TACC3: variants seen among roughly 807,000 people sequenced by gnomAD.
TACC3 encodes the protein transforming acidic coiled-coil containing protein 3.
In TACC3, 52 loss-of-function variants were observed where a neutral mutation model predicts 86.0. The observed-to-expected ratio is 0.60, with a 90% CI of 0.48 to 0.76. The LOEUF is 0.76. Among genes scored for constraint, TACC3 ranks in the 30% least tolerant of loss-of-function variants. The pLI is 0.00. For synonymous variants in TACC3, 512 were observed against 430.0 expected (o/e 1.19, Z -2.36); for missense variants, 1,120 against 1,070.4 (o/e 1.05, Z -0.65).
At chr4:1,739,862 A>T (rs144743154) in intron 11 of TACC3, 84 bp downstream of exon 11, 1 of 1,033,464 alleles carries the variant, frequency 9.7e-7, no homozygotes, top group Non-Finnish European at 1.2e-6. Context: ...CCTTGTCCCC[A>T]TCCCCCTCGC....
chr4:1,741,236 C>T (rs10024257), intron 13 of TACC3: 10,046 of 383,776 alleles, frequency 0.026, 230 homozygotes, highest in South Asian at 0.066. Flanking sequence ...TGTTGTGTGA[C>T]AGACGACTCG....
At chr4:1,740,715 C>A in intron 12 of TACC3, 111 bp from the exon 13 acceptor site, 1 of 936,724 alleles carries the variant, frequency 1.1e-6, no homozygotes, top group Non-Finnish European at 1.6e-6. Flanking sequence ...ACACCCACTG[C>A]CCACCTCTCC....
At chr4:1,737,406 A>C (rs1365756424) in intron 9 of TACC3, 78 bp downstream of exon 9, 1 of 1,412,022 alleles carries the variant, frequency 7.1e-7, no homozygotes, top group African/African-American at 1.4e-5. Context: ...TATATTTTCT[A>C]TTCCTGGGGG....
At chr4:1,720,815 A>T (rs751135409), upstream of TACC3, 1 of 1,592,350 alleles carries the variant, frequency 6.3e-7, no homozygotes, top group African/African-American at 1.3e-5. The surrounding 1 kb of genome is among the most constrained non-coding windows in gnomAD (Gnocchi z 4.4). Flanking sequence ...GGCGAGAGTG[A>T]AGGTCACCTC....
In TACC3 at chr4:1,735,346, C is replaced by G; in HGVS notation, c.1644+21C>G. On this transcript the variant is annotated intron_variant, in intron 7 of 15. Coordinates refer to ENST00000313288, the MANE Select transcript of TACC3 (RefSeq NM_006342.3). The surrounding 1 kb of genome is among the most constrained non-coding windows in gnomAD (Gnocchi z 4.2). ...CCTCGGTAGGTACCAGGCAATTCCGCGAAGCCTCACCCACAGGGTGTCCGA... is the reference window on the plus strand; with the variant it reads ...CCTCGGTAGGTACCAGGCAATTCCGGGAAGCCTCACCCACAGGGTGTCCGA... The G allele has an allele frequency of 6.2e-7, 1 of 1,613,748 alleles. No homozygotes were observed. Among genetic ancestry groups the G allele is most frequent in the Non-Finnish European group, 8.5e-7 (1 of 1,179,946 alleles).
rs1225169526 is a variant in TACC3 at position 1,735,616 on chromosome 4, TGGGAGTGTGCGGGTGACC to T, written c.1645-111_1645-94del. 2 of 834,264 alleles carry T rather than the reference TGGGAGTGTGCGGGTGACC, an allele frequency of 2.4e-6. No individual in the cohort carries two copies. Among genetic ancestry groups the T allele is most frequent in the African/African-American group, 4.1e-5 (2 of 49,200 alleles). 51.7% of individuals were successfully genotyped at this position (834,264 alleles called of 1,614,324 possible). ...GGGCAGGGTTGTGGGTGACCGGGGG[TGGGAGTGTGCGGGTGACC>T]GGGGGTGGGAGTGTGCAGGTGACCT... is the stretch of plus-strand genomic sequence containing the variant. On this transcript the variant is annotated intron_variant, in intron 7 of 15. Transcript: ENST00000313288. This position sits in a 1 kb window ranked among gnomAD's most constrained non-coding sequence, Gnocchi z 4.2.
chr4:1,735,164 CT>C lies in TACC3; in HGVS notation c.1592-108del. 6.9e-7 allele frequency: 1 copy of C among 1,455,170 alleles called. No homozygotes were observed. The allele number at this position is 1,455,170 out of a possible 1,614,324, so 90.1% of individuals were successfully genotyped here. ...ATCCACACCTCCAAGGGAGGAAATA[CT>C]GCTGGCTGGAATGATCCTGCCTCAC... On this transcript the variant is annotated intron_variant, in intron 6 of 15. Coordinates refer to ENST00000313288, the MANE Select transcript of TACC3 (RefSeq NM_006342.3). The surrounding 1 kb of genome is among the most constrained non-coding windows in gnomAD (Gnocchi z 4.2).
At chr4:1,736,452 A>G (rs1718271471) in intron 8 of TACC3, among the ~76,000 whole-genome samples, 2 of 151,578 alleles carry the variant, frequency 1.3e-5, no homozygotes, top group Non-Finnish European at 2.9e-5. Context: ...AAAACCAAAA[A>G]ATAGAGGTCA....
In TACC3 at chr4:1,728,247, C is replaced by T. The variant is rs765435122; in HGVS notation, c.845C>T (p.Pro282Leu). ...GGCTGCCCTGCGGGTGTGGGCACCC[C>T]CGTGCCAGCAGATGGCACTCAGACC... Reference protein sequence around the residue: ...ALGCPAGVGTPVPADGTQTLT... With the variant: ...ALGCPAGVGTLVPADGTQTLT... The change falls in exon 4 of 16, where the codon CCC becomes CTC. Residue 282 changes from proline (P) to leucine (L), a missense_variant. By Grantham distance (98) the Pro-to-Leu change is moderately conservative. Transcript: ENST00000313288. 6.8e-6 allele frequency: 11 copies of T among 1,612,398 alleles called. No individual in the cohort carries two copies.
intron 10 of TACC3, 27 bp from the exon 11 acceptor site, chr4:1,739,675 C>G: frequency 6.4e-7 from 1 of 1,561,038 alleles, no homozygotes; most frequent in Non-Finnish European, 8.7e-7. Context: ...GCCCGCCTGC[C>G]TGCTGACTTG....
intron 13 of TACC3, 104 bp from the exon 14 acceptor site, chr4:1,744,414 G>C: frequency 1.9e-6 from 2 of 1,073,108 alleles, no homozygotes; most frequent in South Asian, 2.9e-5. Context: ...GCTCACGGCT[G>C]ATGCCCCAGA....
At chr4:1,725,593 C>T (rs1384591505) in intron 3 of TACC3, among the ~76,000 whole-genome samples, 2 of 152,198 alleles carry the variant, frequency 1.3e-5, no homozygotes, top group Non-Finnish European at 2.9e-5. Flanking sequence ...CCACAGATCC[C>T]CTGCCTCTCC....
At chr4:1,725,879 C>T (rs1717662945) in intron 3 of TACC3, among the ~76,000 whole-genome samples, 2 of 152,248 alleles carry the variant, frequency 1.3e-5, no homozygotes, top group South Asian at 4.1e-4. Flanking sequence ...CCTGGGAAGG[C>T]AGTGCCGCCC....
intron 13 of TACC3, chr4:1,741,381 G>A (rs903804277): frequency 2.5e-5 from 4 of 157,068 alleles, no homozygotes; most frequent in South Asian, 2.0e-4. Context: ...TATCCAAGGC[G>A]GGAGGCCCAC....
chr4:1,735,344 C>T lies in TACC3; in HGVS notation c.1644+19C>T, dbSNP rs17681032. 15 of 1,613,640 alleles carry T rather than the reference C, an allele frequency of 9.3e-6. No homozygotes were observed. Among genetic ancestry groups the T allele is most frequent in the Admixed American group, 3.3e-5 (2 of 59,992 alleles). ...TTCCTCGGTAGGTACCAGGCAATTC[C>T]GCGAAGCCTCACCCACAGGGTGTCC... On this transcript the variant is annotated intron_variant, in intron 7 of 15. Coordinates refer to ENST00000313288, the MANE Select transcript of TACC3 (RefSeq NM_006342.3). This position sits in a 1 kb window ranked among gnomAD's most constrained non-coding sequence, Gnocchi z 4.2.
rs1718764053 is a variant in TACC3 at position 1,744,736 on chromosome 4, C to CCGGAGCAAGGCCCAGG, written c.2360_2375dup (p.Ala793GlnfsTer32). 2 of 1,612,694 alleles carry CCGGAGCAAGGCCCAGG rather than the reference C, an allele frequency of 1.2e-6. No homozygotes were observed. Among genetic ancestry groups the CCGGAGCAAGGCCCAGG allele is most frequent in the Non-Finnish European group, 1.7e-6 (2 of 1,179,996 alleles). On this transcript the variant is annotated frameshift_variant, in exon 15 of 16. Coordinates refer to ENST00000313288, the MANE Select transcript of TACC3 (RefSeq NM_006342.3). LOFTEE classifies it high-confidence loss of function. Reference sequence around the variant, plus strand: ...GGGCAAACGAGGAGATCGCCCAGGTCCGGAGCAAGGCCCAGGCGGAAGCGT... The same window carrying CCGGAGCAAGGCCCAGG: ...GGGCAAACGAGGAGATCGCCCAGGTCCGGAGCAAGGCCCAGGCGGAGCAAGGCCCAGGCGGAAGCGT...
chr4:1,739,565 T>C, intron 10 of TACC3, 137 bp from the exon 11 acceptor site: 1 of 791,108 alleles, frequency 1.3e-6, no homozygotes, highest in Non-Finnish European at 2.0e-6. Flanking sequence ...AGGGTCCCAC[T>C]GGAAGCCCCA....
At chr4:1,731,109 G>A in intron 5 of TACC3, 63 bp from the exon 6 acceptor site, 1 of 1,603,018 alleles carries the variant, frequency 6.2e-7, no homozygotes, top group Non-Finnish European at 8.5e-7. Context: ...GTTGTGGGGA[G>A]GCAAAGCCAC....
At chr4:1,737,965 G>C (rs1382009724) in intron 10 of TACC3, 19 of 557,330 alleles carry the variant, frequency 3.4e-5, no homozygotes, top group Non-Finnish European at 6.1e-5. Context: ...GCATGGCGTT[G>C]GCCTCTGGTG....
Sources: allele counts gnomAD v4.1 joint callset (sites outside exome capture counted in the v4.1 genomes callset), GRCh38; gene constraint gnomAD v4.1.1; non-coding constraint Gnocchi (gnomAD v3.1); transcripts MANE v1.5; gene names NCBI Gene and HGNC (gene_info 2026-07-23, HGNC 2026-07-21).